The following ARPC4 variants were observed in gnomAD, a reference collection of about 807,000 sequenced individuals.
ARPC4 encodes actin related protein 2/3 complex subunit 4.
ARPC4 carries 3 observed loss-of-function variants against 22.8 expected under a neutral mutation model. The observed-to-expected ratio is 0.13, with a 90% CI of 0.06 to 0.34. The LOEUF (loss-of-function observed/expected upper bound fraction) is 0.34, where lower values mean the gene tolerates loss of function less well. Ranked by LOEUF, ARPC4 falls within the 10% of genes least tolerant of loss-of-function variation. ARPC4 has a pLI of 1.00. For missense variants in ARPC4, 98 were observed against 211.0 expected (o/e 0.46, Z 3.32); for synonymous variants, 80 against 72.5 (o/e 1.10, Z -0.52).
At chr3:9,802,111 C>T (rs906282264) in intron 4 of ARPC4, among the ~76,000 whole-genome samples, 11 of 150,922 alleles carry the variant, frequency 7.3e-5, no homozygotes, top group African/African-American at 1.5e-4. Flanking sequence ...TGGTGGTGGG[C>T]GCCTGTAATC....
At chr3:9,794,237 C>A (rs2078827935) in intron 1 of ARPC4, among the ~76,000 whole-genome samples, 1 of 152,172 alleles carries the variant, frequency 6.6e-6, no homozygotes, top group South Asian at 2.1e-4. Context: ...TGGTGGCTCA[C>A]GCTTGTAATC....
intron 1 of ARPC4, among the ~76,000 whole-genome samples, chr3:9,793,728 C>CCCTTTTTCATACATGTGGT (rs1553710264): frequency 5.9e-5 from 9 of 152,176 alleles, no homozygotes; most frequent in African/African-American, 2.2e-4. Flanking sequence ...TGGAAGTCCT[C>CCCTTTTTCATACATGTGGT]CCTTTTTCAT....
chr3:9,793,047 C>A, upstream of ARPC4: 2 of 1,543,842 alleles, frequency 1.3e-6, no homozygotes, highest in Non-Finnish European at 1.7e-6. Flanking sequence ...CGTAGCTGCG[C>A]TTCTCGCGAA....
chr3:9,799,954 A>G lies in ARPC4; in HGVS notation c.123-231A>G, dbSNP rs180848083. 4.7e-6 allele frequency: 3 copies of G among 639,830 alleles called. No homozygotes were observed. The Admixed American group carries it at 6.3e-5, about 13-fold the overall frequency. The allele number at this position is 639,830 out of a possible 1,614,324, so 39.6% of individuals were successfully genotyped here. On this transcript the variant is annotated intron_variant, in intron 2 of 5. Transcript: ENST00000397261. ...AGATTCCAACAGGGTAACTTGCCCA[A>G]GGAAAGTAACAGAGGAGGCTGGATT...
intron 4 of ARPC4, among the ~76,000 whole-genome samples, chr3:9,802,614 A>G (rs1216990497): frequency 1.3e-5 from 2 of 150,180 alleles, no homozygotes; most frequent in Non-Finnish European, 3.0e-5. Context: ...TGACCTCGTG[A>G]TCTGCCTGCC....
intron 1 of ARPC4, among the ~76,000 whole-genome samples, chr3:9,796,807 G>A (rs908340659): frequency 1.3e-5 from 2 of 151,978 alleles, no homozygotes; most frequent in South Asian, 4.2e-4. Context: ...CGGGTGTGGT[G>A]GTGGGCGCCT....
At chr3:9,799,638 T>G (rs2078967765) in intron 2 of ARPC4, among the ~76,000 whole-genome samples, 1 of 152,152 alleles carries the variant, frequency 6.6e-6, no homozygotes, top group Non-Finnish European at 1.5e-5. Flanking sequence ...AAATGGGATA[T>G]CACCATGTTG....
intron 5 of ARPC4, among the ~76,000 whole-genome samples, chr3:9,805,468 G>A (rs951542602): frequency 2.6e-5 from 4 of 152,226 alleles, no homozygotes; most frequent in African/African-American, 9.6e-5. Context: ...GGTAGCTATG[G>A]AGTGGGCTGA....
At chr3:9,793,080 C>T, upstream of ARPC4, 3 of 1,545,784 alleles carry the variant, frequency 1.9e-6, no homozygotes, top group Non-Finnish European at 2.6e-6. Context: ...GCGGGGCTGG[C>T]CACTTCCGTA....
intron 5 of ARPC4, among the ~76,000 whole-genome samples, chr3:9,805,511 C>T (rs553204042): frequency 5.3e-5 from 8 of 152,290 alleles, no homozygotes; most frequent in South Asian, 4.1e-4. Context: ...AGCTGCTGAG[C>T]GCATGCCTCA....
intron 1 of ARPC4, among the ~76,000 whole-genome samples, chr3:9,793,688 T>TAG (rs2078810154): frequency 6.6e-6 from 1 of 152,196 alleles, no homozygotes; most frequent in African/African-American, 2.4e-5. Flanking sequence ...TAGTGTATGT[T>TAG]AGCTGTGATA....
chr3:9,794,020 C>T (rs938566366), intron 1 of ARPC4, among the ~76,000 whole-genome samples: 2 of 152,160 alleles, frequency 1.3e-5, no homozygotes, highest in East Asian at 1.9e-4. Flanking sequence ...GGTTCCCTAT[C>T]CTGGCAAACT....
chr3:9,799,012 CCT>C, intron 2 of ARPC4, among the ~76,000 whole-genome samples: 1 of 151,770 alleles, frequency 6.6e-6, no homozygotes, highest in African/African-American at 2.4e-5. Flanking sequence ...TAGGATATGC[CCT>C]GTTATACTGT....
rs976003447 is a variant in ARPC4, at chr3:9,806,633, T to C, written c.*418T>C. Reference sequence around the variant, plus strand: ...GGCCTGGAGCCAGAAGGCGACTTATTTTTTCTCTCCTATGCCACCCCAGGT... The same window carrying C: ...GGCCTGGAGCCAGAAGGCGACTTATCTTTTCTCTCCTATGCCACCCCAGGT... On this transcript the variant is annotated 3_prime_UTR_variant, in exon 6 of 6. Transcript: ENST00000397261. The C allele has an allele frequency of 6.5e-5, 13 of 201,198 alleles. No homozygotes were observed. Among genetic ancestry groups the C allele is most frequent in the Admixed American group, 6.2e-4 (11 of 17,652 alleles). The allele number at this position is 201,198 out of a possible 1,614,324, so 12.5% of individuals were successfully genotyped here.
At chr3:9,795,074 C>T (rs921268890) in intron 1 of ARPC4, among the ~76,000 whole-genome samples, 2 of 152,056 alleles carry the variant, frequency 1.3e-5, no homozygotes, top group African/African-American at 2.4e-5. Flanking sequence ...GGCGTGATCT[C>T]GGCTCACTGC....
intron 5 of ARPC4, among the ~76,000 whole-genome samples, 170 bp from the exon 6 acceptor site, chr3:9,806,040 T>C (rs1559731021): frequency 6.6e-6 from 1 of 152,232 alleles, no homozygotes; most frequent in African/African-American, 2.4e-5. Context: ...CATAGGTCAC[T>C]TCTGAAAGCT....
intron 2 of ARPC4, chr3:9,798,053 T>C: frequency 3.1e-6 from 1 of 319,116 alleles, no homozygotes; most frequent in Non-Finnish European, 5.8e-6. Flanking sequence ...TGTGGCATTG[T>C]TGAAAACACT....
chr3:9,802,237 CAAAAAA>C (rs1159841703), intron 4 of ARPC4, among the ~76,000 whole-genome samples: 3 of 50,282 alleles, frequency 6.0e-5, no homozygotes, highest in African/African-American at 2.4e-4. Flanking sequence ...GACTCCGTCT[CAAAAAA>C]AAAAAAAAAA....
In ARPC4 at chr3:9,800,337, C is replaced by T. The variant is rs765315741; in HGVS notation, c.234+41C>T. The stretch of plus-strand genomic sequence containing the variant: ...AGGAGGCCCAACGTAAGGCCTCTTT[C>T]AGTCCTTTCAGCCTCTTTCAGTCCG... On this transcript the variant is annotated intron_variant, in intron 3 of 5. Coordinates refer to ENST00000397261, the MANE Select transcript of ARPC4 (RefSeq NM_005718.5). 1.8e-5 allele frequency: 28 copies of T among 1,593,438 alleles called. No homozygotes were observed. The South Asian group carries it at 2.3e-4, about 13-fold the overall frequency.
Sources: allele counts gnomAD v4.1 joint callset (sites outside exome capture counted in the v4.1 genomes callset), GRCh38; gene constraint gnomAD v4.1.1; transcripts MANE v1.5; gene names NCBI Gene and HGNC (gene_info 2026-07-23, HGNC 2026-07-21).